The following DAAM1 variants were observed in gnomAD, a reference collection of about 807,000 sequenced individuals.
DAAM1 encodes the protein dishevelled associated activator of morphogenesis 1, also known as disheveled-associated activator of morphogenesis 1.
A neutral mutation model predicts 130.0 loss-of-function variants in DAAM1; 52 were observed. The ratio of observed to expected loss-of-function variants is 0.40; its 90% CI spans 0.32 to 0.50. The LOEUF (loss-of-function observed/expected upper bound fraction) is 0.50. DAAM1 is among the 20% of genes least tolerant of loss of function. The pLI is 0.61. For missense variants in DAAM1, 1,134 were observed against 1,303.8 expected (o/e 0.87, Z 2.01); for synonymous variants, 452 against 444.5 (o/e 1.02, Z -0.21).
intron 2 of DAAM1, among the ~76,000 whole-genome samples, chr14:59,290,117 C>A (rs971849980): frequency 2.0e-5 from 3 of 151,910 alleles, no homozygotes; most frequent in African/African-American, 7.3e-5. Flanking sequence ...ACATGTACCC[C>A]TGAACATAAA....
chr14:59,203,077 T>C (rs1275007642), intron 1 of DAAM1, among the ~76,000 whole-genome samples: 1 of 151,604 alleles, frequency 6.6e-6, no homozygotes, highest in Non-Finnish European at 1.5e-5. Flanking sequence ...CTGCAAGCTC[T>C]GCCTCCTGGG....
At chr14:59,310,520 T>A (rs571864425) in intron 3 of DAAM1, among the ~76,000 whole-genome samples, 1 of 152,326 alleles carries the variant, frequency 6.6e-6, no homozygotes, top group South Asian at 2.1e-4. Flanking sequence ...TACGGTTCAC[T>A]TGAAATTTCT....
At position 59,291,321 on chromosome 14, in the gene DAAM1, G is replaced by T; in HGVS notation, c.273+15G>T. The T allele has an allele frequency of 6.4e-7, 1 of 1,569,758 alleles. No homozygotes were observed. Among genetic ancestry groups the T allele is most frequent in the South Asian group, 1.2e-5 (1 of 85,642 alleles). On this transcript the variant is annotated intron_variant, in intron 3 of 24. Transcript: ENST00000360909. ...GCAAGAAAAAGGTAAGATTTTCATT[G>T]TGATTATGGTTAACTGGAAAATAAT...
chr14:59,238,893 G>A (rs1015356810), intron 1 of DAAM1, among the ~76,000 whole-genome samples: 9 of 152,166 alleles, frequency 5.9e-5, no homozygotes, highest in Non-Finnish European at 1.2e-4. Context: ...GAGACTTTCA[G>A]AGAAGGAGCC....
Position 59,315,364 on chromosome 14 carries a change from T to C in DAAM1, c.345+13T>C, listed in dbSNP as rs533174948. On this transcript the variant is annotated intron_variant, in intron 4 of 24. Transcript: ENST00000360909. The stretch of plus-strand genomic sequence containing the variant: ...TTCCATGGCTGCTGTAAGTAGACTT[T>C]TATGTTCTTTGACACACTGTTTAAA... 8 of 1,612,526 alleles carry C rather than the reference T, an allele frequency of 5.0e-6. 1 individual carries two copies. In the South Asian group the frequency reaches 5.5e-5, roughly 11 times the overall value.
At chr14:59,339,273 CTG>C (rs1267273211) in intron 15 of DAAM1, among the ~76,000 whole-genome samples, 1 of 152,194 alleles carries the variant, frequency 6.6e-6, no homozygotes, top group African/African-American at 2.4e-5. Flanking sequence ...TTTTAAAACA[CTG>C]TAACGTTTTT....
chr14:59,332,749 A>G (rs557034270), intron 15 of DAAM1, among the ~76,000 whole-genome samples: 3 of 152,338 alleles, frequency 2.0e-5, no homozygotes, highest in South Asian at 2.1e-4. Flanking sequence ...ATCCCAAATA[A>G]TCAAAGCCTT....
chr14:59,261,653 C>T (rs768789535), intron 1 of DAAM1, among the ~76,000 whole-genome samples: 6 of 152,194 alleles, frequency 3.9e-5, no homozygotes, highest in Non-Finnish European at 7.3e-5. Context: ...ACTTTGCCTT[C>T]AAGTCAGCGG....
chr14:59,234,678 TGA>T (rs1889234028), intron 1 of DAAM1, among the ~76,000 whole-genome samples: 1 of 152,172 alleles, frequency 6.6e-6, no homozygotes, highest in Admixed American at 6.5e-5. Context: ...ACGGGAGTGG[TGA>T]GAGAGGGCAT....
At chr14:59,254,626 A>G (rs957896296) in intron 1 of DAAM1, among the ~76,000 whole-genome samples, 3 of 152,150 alleles carry the variant, frequency 2.0e-5, no homozygotes, top group African/African-American at 4.8e-5. Flanking sequence ...CGGGTGCTCC[A>G]AGGACACTTT....
At chr14:59,344,372 G>A (rs908319486) in intron 16 of DAAM1, among the ~76,000 whole-genome samples, 2 of 152,174 alleles carry the variant, frequency 1.3e-5, no homozygotes, top group African/African-American at 4.8e-5. Flanking sequence ...TTTTAAGATG[G>A]CTGGTTTGTT....
chr14:59,303,639 G>A (rs1274918571), intron 3 of DAAM1, among the ~76,000 whole-genome samples: 1 of 152,176 alleles, frequency 6.6e-6, no homozygotes, highest in Non-Finnish European at 1.5e-5. Context: ...GCTAACGCCT[G>A]TAATCCCCGC....
intron 1 of DAAM1, among the ~76,000 whole-genome samples, chr14:59,210,481 T>C (rs1246721713): frequency 1.3e-5 from 2 of 151,690 alleles, no homozygotes; most frequent in Non-Finnish European, 3.0e-5. Context: ...CCAGCACTTT[T>C]CATAAATATA....
intron 4 of DAAM1, among the ~76,000 whole-genome samples, chr14:59,319,330 C>T (rs1378648650): frequency 6.6e-6 from 1 of 152,188 alleles, no homozygotes; most frequent in East Asian, 1.9e-4. Flanking sequence ...TTGCTTTGAT[C>T]TTTACCCTTC....
chr14:59,307,630 T>G (rs1288674541), intron 3 of DAAM1, among the ~76,000 whole-genome samples: 1 of 152,174 alleles, frequency 6.6e-6, no homozygotes, highest in East Asian at 1.9e-4. Context: ...GCTCAACTAG[T>G]CTTTCTACCT....
At chr14:59,360,369 G>A (rs1337197958) in intron 21 of DAAM1, among the ~76,000 whole-genome samples, 1 of 152,146 alleles carries the variant, frequency 6.6e-6, no homozygotes, top group African/African-American at 2.4e-5. Context: ...ATATTATTGG[G>A]GCCTTAGTGA....
chr14:59,323,201 T>C lies in DAAM1; in HGVS notation c.750T>C (p.Tyr250=), dbSNP rs1431279185. ...AGGCCATGCTGCACTACCAGAAGTATGCCAGCGAAAGGACCCGCTTTCAGG... is the reference window on the plus strand; with the variant it reads ...AGGCCATGCTGCACTACCAGAAGTACGCCAGCGAAAGGACCCGCTTTCAGG... ...VLQAMLHYQK[Y]ASERTRFQTL... The change falls in exon 6 of 25, where the codon TAT becomes TAC. Residue 250 remains tyrosine, a synonymous_variant. Transcript: ENST00000360909. 6.2e-7 allele frequency: 1 copy of C among 1,610,192 alleles called. No individual in the cohort carries two copies. Among genetic ancestry groups the C allele is most frequent in the East Asian group, 2.2e-5 (1 of 44,700 alleles).
chr14:59,253,255 G>A (rs1881726607), intron 1 of DAAM1, among the ~76,000 whole-genome samples: 1 of 152,208 alleles, frequency 6.6e-6, no homozygotes, highest in African/African-American at 2.4e-5. Context: ...TGGTGGAGCT[G>A]TTATTTGAAC....
In DAAM1 at chr14:59,364,645, G is replaced by A. The variant is rs995726770; in HGVS notation, c.2826+863G>A. 1.7e-4 allele frequency among the ~76,000 whole-genome samples: 26 copies of A among 150,856 alleles called. 1 individual carries two copies. The highest frequency in any genetic ancestry group is 1.0e-3 in the Admixed American group (16 of 15,256). Reference sequence around the variant, plus strand: ...CACAACACTCTGAGTCTTTTGTTTCGAAACTTCTGTAAATGGATGTTATTT... The same window carrying A: ...CACAACACTCTGAGTCTTTTGTTTCAAAACTTCTGTAAATGGATGTTATTT... On this transcript the variant is annotated intron_variant, in intron 23 of 24. Transcript: ENST00000360909.
Sources: allele counts gnomAD v4.1 joint callset (sites outside exome capture counted in the v4.1 genomes callset), GRCh38; gene constraint gnomAD v4.1.1; transcripts MANE v1.5; gene names NCBI Gene and HGNC (gene_info 2026-07-23, HGNC 2026-07-21).